KIF15: variants seen among roughly 807,000 people sequenced by gnomAD.
The protein encoded by KIF15 is kinesin-like protein KIF15.
KIF15 carries 140 observed loss-of-function variants against 190.6 expected under a neutral mutation model. That is an observed-to-expected ratio of 0.73 (90% CI 0.64 to 0.84). KIF15 has a LOEUF of 0.84. Ranked by LOEUF, KIF15 falls within the 40% of genes least tolerant of loss-of-function variation. The pLI is 0.00. For missense variants in KIF15, 1,372 were observed against 1,584.4 expected, an observed-to-expected ratio of 0.87 and a Z score of 2.28; for synonymous variants, 528 against 551.3, an observed-to-expected ratio of 0.96 and a Z score of 0.59.
rs200544978 is a variant in KIF15 at position 44,775,459 on chromosome 3, A to G, written c.246+22A>G. 5.9e-3 allele frequency: 8,658 copies of G among 1,479,884 alleles called. 56 individuals are homozygous for G. Among genetic ancestry groups the G allele is most frequent in the Middle Eastern group, 0.026 (141 of 5,384 alleles). 91.7% of individuals were successfully genotyped at this position (1,479,884 alleles called of 1,614,324 possible). ...TCAGGTAATGATAATTAGAAACTTA[A>G]CTTTTTTTTTTTTTTGAAAAGGAGT... On this transcript the variant is annotated intron_variant, in intron 3 of 34. Transcript: ENST00000326047.
chr3:44,827,303 A>G, intron 22 of KIF15, 156 bp from the exon 23 acceptor site: 1 of 577,992 alleles, frequency 1.7e-6, no homozygotes, highest in Admixed American at 3.1e-5. Context: ...TTTTGAAGAA[A>G]TGGGTTCAAA....
In KIF15 at chr3:44,765,301, A is replaced by T. The variant is rs554815917; in HGVS notation, c.19+3417A>T. On this transcript the variant is annotated intron_variant, in intron 1 of 34. Transcript: ENST00000326047. ...AATCATTTTCCATCTGATCAGTTAC[A>T]GAGATCTCTGCAGAAATGAAGAGCT... Among the ~76,000 whole-genome samples, 217 of 152,380 alleles carry T rather than the reference A, an allele frequency of 1.4e-3. 1 individual carries two copies. Among genetic ancestry groups the T allele is most frequent in the Admixed American group, 3.8e-3 (58 of 15,308 alleles).
At chr3:44,809,538 G>A (rs1273487131) in intron 16 of KIF15, among the ~76,000 whole-genome samples, 2 of 151,866 alleles carry the variant, frequency 1.3e-5, no homozygotes, top group African/African-American at 4.8e-5. Context: ...TATGAGAAAG[G>A]GATTTAACTT....
chr3:44,767,066 T>C (rs1705421673), intron 1 of KIF15, among the ~76,000 whole-genome samples: 1 of 152,112 alleles, frequency 6.6e-6, no homozygotes, highest in African/African-American at 2.4e-5. Context: ...CGCTTCGGCC[T>C]CCCAAAGTAC....
intron 7 of KIF15, among the ~76,000 whole-genome samples, chr3:44,789,689 T>TATAA (rs1706590923): frequency 7.2e-5 from 7 of 97,794 alleles, no homozygotes; most frequent in Admixed American, 6.7e-4. Flanking sequence ...TATATATATA[T>TATAA]ATAAAATAGA....
At chr3:44,841,442 G>GGGT (rs1162098394) in intron 29 of KIF15, among the ~76,000 whole-genome samples, 1 of 150,276 alleles carries the variant, frequency 6.7e-6, no homozygotes, top group Non-Finnish European at 1.5e-5. Context: ...CTGTCGCCCA[G>GGGT]GGTGGAGTGC....
rs1381509597 is a variant in KIF15, at chr3:44,778,118, TCTGTATTCGCAA to T, written c.255_266del (p.Phe86_Val89del). On this transcript the variant is annotated inframe_deletion, in exon 4 of 35. Coordinates refer to ENST00000326047, the MANE Select transcript of KIF15 (RefSeq NM_020242.3). Reference sequence around the variant, plus strand: ...ACATGTTTGGTTACATTTGTAGGAATCTGTATTCGCAACTGTGGCTAAAAGCATTGTGGAGTC... The same window carrying T: ...ACATGTTTGGTTACATTTGTAGGAATCTGTGGCTAAAAGCATTGTGGAGTC... 6.2e-7 allele frequency: 1 copy of T among 1,612,408 alleles called. No individual in the cohort carries two copies. Among genetic ancestry groups the T allele is most frequent in the African/African-American group, 1.3e-5 (1 of 74,918 alleles).
chr3:44,829,740 T>TGTATATATTATAG (rs1697959512), intron 24 of KIF15, among the ~76,000 whole-genome samples: 1 of 135,700 alleles, frequency 7.4e-6, no homozygotes, highest in African/African-American at 2.8e-5. Flanking sequence ...ATATATTATA[T>TGTATATATTATAG]ATGTATATAT....
chr3:44,821,999 CTGCAAT>C (rs943018967), intron 20 of KIF15, among the ~76,000 whole-genome samples: 36 of 152,204 alleles, frequency 2.4e-4, no homozygotes, highest in African/African-American at 8.2e-4. Context: ...CGGTGCGTGC[CTGCAAT>C]TGCAGGCACT....
intron 24 of KIF15, 22 bp downstream of exon 24, chr3:44,828,322 ATC>A (rs781594870): frequency 1.3e-6 from 2 of 1,515,532 alleles, no homozygotes; most frequent in Non-Finnish European, 1.8e-6. Flanking sequence ...TTGAAGCTAC[ATC>A]TCTCTGTGCA....
intron 24 of KIF15, among the ~76,000 whole-genome samples, chr3:44,829,372 A>G (rs200095056): frequency 1.0e-4 from 14 of 134,492 alleles, no homozygotes; most frequent in African/African-American, 3.5e-4. Context: ...ATATATATAT[A>G]TATGTGTGTG....
intron 1 of KIF15, among the ~76,000 whole-genome samples, chr3:44,772,420 C>T (rs796665133): frequency 1.2e-3 from 179 of 151,922 alleles, no homozygotes; most frequent in African/African-American, 3.7e-3. Context: ...ATCTTAGGGC[C>T]CCTCATGCAT....
At chr3:44,804,090 C>T (rs944171435) in intron 14 of KIF15, among the ~76,000 whole-genome samples, 1 of 152,138 alleles carries the variant, frequency 6.6e-6, no homozygotes. Flanking sequence ...TCAAATGATC[C>T]ACCCACTTCG....
intron 16 of KIF15, among the ~76,000 whole-genome samples, chr3:44,807,945 TG>T (rs1370776983): frequency 6.6e-6 from 1 of 152,102 alleles, no homozygotes; most frequent in African/African-American, 2.4e-5. Flanking sequence ...TTTTTGGTTT[TG>T]TTTTTTAGAG....
At position 44,812,180 on chromosome 3, in the gene KIF15, A is replaced by G; in HGVS notation, c.2170-2A>G. The G allele has an allele frequency of 1.2e-6, 2 of 1,600,458 alleles. No homozygotes were observed. ...TTGATGACTGAAGTTTTTGTGTTGC[A>G]GGAACAAATGAGTGCTCTTCAAGCC... On this transcript the variant is annotated splice_acceptor_variant, in intron 17 of 34. Transcript: ENST00000326047. LOFTEE classifies it high-confidence loss of function.
rs764272079 is a variant in KIF15, at chr3:44,826,421, T to A, written c.2747T>A (p.Leu916Ter). 6.2e-7 allele frequency: 1 copy of A among 1,613,026 alleles called. No homozygotes were observed. The highest frequency in any genetic ancestry group is 1.3e-5 in the African/African-American group (1 of 74,894). ...GCAGAAAAAGAACGCAATAACAAATTATCATTACAGTTTGAAGAAGATAAA... is the reference window on the plus strand; with the variant it reads ...GCAGAAAAAGAACGCAATAACAAATAATCATTACAGTTTGAAGAAGATAAA... ...LEAEKERNNK[L>*]SLQFEEDKEN... The change falls in exon 22 of 35, where the codon TTA (leucine) becomes TAA (stop). Residue 916 changes from leucine (L) to a stop codon, truncating the protein, a stop_gained. Coordinates refer to ENST00000326047, the MANE Select transcript of KIF15 (RefSeq NM_020242.3). LOFTEE classifies it high-confidence loss of function.
In KIF15 at chr3:44,852,913, C is replaced by T. The variant is rs749973170; in HGVS notation, c.*178C>T. ...ATGAACATTCTGCATCCATATACAC[C>T]CTGTGACAGTCAGCAGTCTGCTATT... is the stretch of plus-strand genomic sequence containing the variant. On this transcript the variant is annotated 3_prime_UTR_variant, in exon 35 of 35. Transcript: ENST00000326047. 1 of 471,912 alleles carries T rather than the reference C, an allele frequency of 2.1e-6. No individual in the cohort carries two copies. Among genetic ancestry groups the T allele is most frequent in the Non-Finnish European group, 3.7e-6 (1 of 272,514 alleles). The allele number at this position is 471,912 out of a possible 1,614,324, so 29.2% of individuals were successfully genotyped here.
At chr3:44,864,467 G>A in intron 6 of KIF15, 1 of 1,214,442 alleles carries the variant, frequency 8.2e-7, no homozygotes, top group Non-Finnish European at 1.2e-6. Context: ...TTGGGCTGTG[G>A]CTTGACCCCT....
At chr3:44,867,101 A>G (rs1477192196) in intron 6 of KIF15, among the ~76,000 whole-genome samples, 1 of 152,106 alleles carries the variant, frequency 6.6e-6, no homozygotes, top group Non-Finnish European at 1.5e-5. Flanking sequence ...TGAGGAAACT[A>G]AGGCTTGGGG....
Sources: allele counts gnomAD v4.1 joint callset (sites outside exome capture counted in the v4.1 genomes callset), GRCh38; gene constraint gnomAD v4.1.1; transcripts MANE v1.5; gene names NCBI Gene and HGNC (gene_info 2026-07-23, HGNC 2026-07-21).